Variants in SCRG1 observed in about 807,000 individuals in gnomAD.
SCRG1 encodes stimulator of chondrogenesis 1.
In SCRG1, 3 loss-of-function variants were observed where a neutral mutation model predicts 7.7. The ratio of observed to expected loss-of-function variants is 0.39; its 90% CI spans 0.18 to 1.01. SCRG1 has a LOEUF of 1.01. SCRG1 is among the 50% of genes least tolerant of loss of function. The probability of loss-of-function intolerance (pLI) is 0.36; values close to 1 mark genes in which losing one functional copy is unlikely to be tolerated. For synonymous variants in SCRG1, 46 were observed against 41.2 expected, an observed-to-expected ratio of 1.12 and a Z score of -0.44; for missense variants, 110 against 117.2, an observed-to-expected ratio of 0.94 and a Z score of 0.28.
chr4:173,452,715 G>A, the SCRG1 span, among the ~76,000 whole-genome samples: 1 of 152,120 alleles, frequency 6.6e-6, no homozygotes, highest in African/African-American at 2.4e-5. Context: ...GCCATGCAGA[G>A]CAGAAAGGAT....
At chr4:173,481,400 G>A in the SCRG1 span, among the ~76,000 whole-genome samples, 1 of 152,136 alleles carries the variant, frequency 6.6e-6, no homozygotes, top group Non-Finnish European at 1.5e-5. Context: ...AAGAAAGCTA[G>A]GCTTAGGGAA....
chr4:173,513,626 G>A, the SCRG1 span, among the ~76,000 whole-genome samples: 1 of 152,138 alleles, frequency 6.6e-6, no homozygotes, highest in Non-Finnish European at 1.5e-5. Flanking sequence ...CTTTTCAATT[G>A]TATGCTTAGC....
upstream of SCRG1, among the ~76,000 whole-genome samples, chr4:173,402,481 A>G (rs750742830): frequency 1.2e-4 from 19 of 152,040 alleles, no homozygotes; most frequent in Non-Finnish European, 2.2e-4. Flanking sequence ...CCCAAAATTG[A>G]AAAATTGAGA....
the SCRG1 span, among the ~76,000 whole-genome samples, chr4:173,426,094 G>GA: frequency 2.0e-5 from 3 of 152,134 alleles, no homozygotes; most frequent in Admixed American, 6.5e-5. Context: ...AGAAACAGTG[G>GA]AAAAAATGTA....
At chr4:173,512,538 G>A in the SCRG1 span, among the ~76,000 whole-genome samples, 1 of 152,230 alleles carries the variant, frequency 6.6e-6, no homozygotes, top group East Asian at 1.9e-4. Context: ...AGCTGAAAAT[G>A]CTTTCAACAC....
the SCRG1 span, among the ~76,000 whole-genome samples, chr4:173,498,008 T>C: frequency 1.8e-3 from 272 of 152,352 alleles, no homozygotes; most frequent in Middle Eastern, 3.4e-3. Flanking sequence ...GAGTAATTCC[T>C]ACTAGCTTCT....
chr4:173,493,581 G>C, the SCRG1 span, among the ~76,000 whole-genome samples: 1 of 145,526 alleles, frequency 6.9e-6, no homozygotes, highest in Non-Finnish European at 1.5e-5. Flanking sequence ...TCGCGCCACT[G>C]TTCTCCAGTC....
chr4:173,419,110 C>A, the SCRG1 span: 1 of 230,656 alleles, frequency 4.3e-6, no homozygotes. Context: ...GAATTCCACT[C>A]TATCACTGAC....
At chr4:173,509,946 T>G in the SCRG1 span, among the ~76,000 whole-genome samples, 1 of 152,202 alleles carries the variant, frequency 6.6e-6, no homozygotes, top group East Asian at 1.9e-4. The surrounding 1 kb of genome is among the most constrained non-coding windows in gnomAD (Gnocchi z 5.7). Context: ...TTTCCCCTGC[T>G]TCTCACTTTA....
At chr4:173,432,327 C>A in the SCRG1 span, among the ~76,000 whole-genome samples, 1 of 134,684 alleles carries the variant, frequency 7.4e-6, no homozygotes, top group East Asian at 2.4e-4. Flanking sequence ...CCCTTCCTTC[C>A]TTCCTTCCTT....
the SCRG1 span, among the ~76,000 whole-genome samples, chr4:173,415,768 C>CT: frequency 9.3e-4 from 141 of 152,240 alleles, 2 homozygotes; most frequent in African/African-American, 3.2e-3. Context: ...ATGATCTCTT[C>CT]TGGTCAGTTT....
upstream of SCRG1, among the ~76,000 whole-genome samples, chr4:173,400,006 G>A (rs1739718945): frequency 1.3e-5 from 2 of 152,106 alleles, no homozygotes; most frequent in Admixed American, 1.3e-4. Flanking sequence ...AAATTTGAGA[G>A]ACAAGAAGCA....
At chr4:173,461,719 A>AAGGT in the SCRG1 span, among the ~76,000 whole-genome samples, 2 of 152,356 alleles carry the variant, frequency 1.3e-5, no homozygotes, top group Middle Eastern at 3.4e-3. Flanking sequence ...TGATCTAAAT[A>AAGGT]AGGTACCAGG....
chr4:173,434,256 A>G, the SCRG1 span, among the ~76,000 whole-genome samples: 2 of 152,230 alleles, frequency 1.3e-5, no homozygotes, highest in East Asian at 3.8e-4. Flanking sequence ...AAAATTTTAC[A>G]ATATCCCTTG....
the SCRG1 span, among the ~76,000 whole-genome samples, chr4:173,477,109 A>G: frequency 6.6e-6 from 1 of 152,194 alleles, no homozygotes; most frequent in Non-Finnish European, 1.5e-5. Flanking sequence ...CAAATGAATC[A>G]GTAGATAAAA....
the SCRG1 span, among the ~76,000 whole-genome samples, chr4:173,485,017 A>ATATATTATATAT: frequency 1.5e-4 from 4 of 27,374 alleles, no homozygotes; most frequent in African/African-American, 4.2e-4. Context: ...ATAATATATA[A>ATATATTATATAT]TATATAATAT....
the SCRG1 span, among the ~76,000 whole-genome samples, chr4:173,483,574 T>C: frequency 1.0e-3 from 88 of 87,806 alleles, 3 homozygotes; most frequent in African/African-American, 2.2e-3. Context: ...TTGTGATATA[T>C]AATATATATG....
the SCRG1 span, among the ~76,000 whole-genome samples, chr4:173,450,838 G>A: frequency 2.7e-5 from 4 of 150,392 alleles, no homozygotes; most frequent in Admixed American, 2.0e-4. Flanking sequence ...GATGAGAAGC[G>A]AGACCCAGTC....
the SCRG1 span, among the ~76,000 whole-genome samples, chr4:173,483,820 A>ATT: frequency 1.3e-4 from 3 of 23,624 alleles, no homozygotes; most frequent in East Asian, 2.2e-3. Context: ...TGTAATATAT[A>ATT]TAATATATAT....
Sources: allele counts gnomAD v4.1 joint callset (sites outside exome capture counted in the v4.1 genomes callset), GRCh38; gene constraint gnomAD v4.1.1; non-coding constraint Gnocchi (gnomAD v3.1); transcripts MANE v1.5; gene names NCBI Gene and HGNC (gene_info 2026-07-23, HGNC 2026-07-21).